FAM186A: variants seen among roughly 807,000 people sequenced by gnomAD.
The protein encoded by FAM186A is protein FAM186A.
In FAM186A, 163 loss-of-function variants were observed where a neutral mutation model predicts 216.8. That is an observed-to-expected ratio of 0.75 (90% CI 0.66 to 0.86). The LOEUF (loss-of-function observed/expected upper bound fraction) is 0.86, where lower values mean the gene tolerates loss of function less well. Ranked by LOEUF, FAM186A falls within the 40% of genes least tolerant of loss-of-function variation. The pLI is 0.00. For synonymous variants in FAM186A, 805 were observed against 1,025.3 expected (o/e 0.79, Z 4.10); for missense variants, 2,184 against 2,746.2 (o/e 0.80, Z 4.58).
chr12:50,363,419 G>A (rs1222389815), intron 1 of FAM186A, 55 bp from the exon 2 acceptor site: 4 of 1,409,576 alleles, frequency 2.8e-6, no homozygotes, highest in Non-Finnish European at 3.9e-6. Flanking sequence ...AGAAGCTTTG[G>A]TCATCTTTCT....
intron 1 of FAM186A, among the ~76,000 whole-genome samples, chr12:50,366,402 C>T (rs536641415): frequency 5.6e-4 from 85 of 152,178 alleles, no homozygotes; most frequent in Non-Finnish European, 7.4e-5. Flanking sequence ...TTGAGGCCAA[C>T]GTATATCGAA....
In FAM186A at chr12:50,354,215, C is replaced by T. The variant is rs1366207269; in HGVS notation, c.2617G>A (p.Gly873Arg). Residue 873 changes from glycine to arginine, a missense_variant, in exon 4 of 8, where the codon GGA becomes AGA. Physicochemically the swap from Gly to Arg is moderately radical, Grantham distance 125 (BLOSUM62 -2). Around this residue, in one of 7 missense-constraint regions of FAM186A, gnomAD observed 1,132 missense variants for 1,263.4 expected, o/e 0.90. Transcript: ENST00000327337. Reference sequence around the variant, plus strand: ...TTCTGGCTCTGTTGTTCTTGCTTTCCCTCCTTCATCTGGAGCCATGCCTTT... The same window carrying T: ...TTCTGGCTCTGTTGTTCTTGCTTTCTCTCCTTCATCTGGAGCCATGCCTTT... ...EKKAWLQMKE[G>R]KQEQQSQKQW... The T allele has an allele frequency of 2.6e-6, 4 of 1,551,582 alleles. No individual in the cohort carries two copies. The highest frequency in any genetic ancestry group is 1.7e-4 in the Middle Eastern group (1 of 5,992).
chr12:50,395,410 G>A (rs1045469912), intron 1 of FAM186A, among the ~76,000 whole-genome samples: 1 of 152,108 alleles, frequency 6.6e-6, no homozygotes, highest in Non-Finnish European at 1.5e-5. Context: ...TACTGCGAGA[G>A]AATAAAATGC....
Position 50,353,915 on chromosome 12 carries a change from T to C in FAM186A, c.2917A>G (p.Arg973Gly). The change falls in exon 4 of 8, where the codon AGA becomes GGA. Residue 973 changes from arginine to glycine, a missense_variant. Physicochemically the swap from Arg to Gly is moderately radical, Grantham distance 125. Transcript: ENST00000327337. The part of the protein sequence containing the change: ...EKGKEKQKPE[R>G]GLEDLERQIK... ...TGCCTTTCGAGGTCCTCTAGCCCTC[T>C]CTCTGGCTTCTGCTTTTCCTTCCCT... is the stretch of plus-strand genomic sequence containing the variant. 1 of 1,553,174 alleles carries C rather than the reference T, an allele frequency of 6.4e-7. No individual in the cohort carries two copies. Among genetic ancestry groups the C allele is most frequent in the Non-Finnish European group, 8.7e-7 (1 of 1,147,854 alleles).
chr12:50,388,131 C>G (rs982247269), intron 1 of FAM186A, among the ~76,000 whole-genome samples: 3 of 152,154 alleles, frequency 2.0e-5, no homozygotes, highest in Non-Finnish European at 4.4e-5. Flanking sequence ...CGGCTTTCCC[C>G]ACCCCTGAAG....
In FAM186A at chr12:50,355,671, A is replaced by T. The variant is rs1439210342; in HGVS notation, c.1161T>A (p.Asp387Glu). The change falls in exon 4 of 8, where the codon GAT becomes GAA. Residue 387 changes from aspartate (D) to glutamate (E), a missense_variant. This residue lies in a region of FAM186A where 1,132 missense variants were observed against 1,263.4 expected (regional missense o/e 0.90). Coordinates refer to ENST00000327337, the MANE Select transcript of FAM186A (RefSeq NM_001145475.3). ...ILDKELENIVDEVQRKETKDS... is the reference protein window; with the variant it reads ...ILDKELENIVEEVQRKETKDS... ...CCTTGGTCTCTTTTCTTTGGACTTCATCTACAATATTTTCAAGTTCCTTGT... is the reference window on the plus strand; with the variant it reads ...CCTTGGTCTCTTTTCTTTGGACTTCTTCTACAATATTTTCAAGTTCCTTGT... The T allele has an allele frequency of 1.3e-6, 2 of 1,550,852 alleles. No individual in the cohort carries two copies. Among genetic ancestry groups the T allele is most frequent in the Admixed American group, 2.0e-5 (1 of 50,818 alleles).
At chr12:50,333,246 C>T (rs1942673566) in intron 5 of FAM186A, among the ~76,000 whole-genome samples, 1 of 151,450 alleles carries the variant, frequency 6.6e-6, no homozygotes, top group African/African-American at 2.4e-5. Flanking sequence ...ACTATAAGAA[C>T]TCAGGCCAGG....
chr12:50,392,990 A>T (rs1943375232), intron 1 of FAM186A, among the ~76,000 whole-genome samples: 1 of 141,590 alleles, frequency 7.1e-6, no homozygotes, highest in African/African-American at 2.7e-5. Context: ...GCGGTGGCGC[A>T]ATCTTGGCTC....
At chr12:50,372,060 C>T (rs943167498) in intron 1 of FAM186A, among the ~76,000 whole-genome samples, 1 of 152,078 alleles carries the variant, frequency 6.6e-6, no homozygotes, top group African/African-American at 2.4e-5. Flanking sequence ...GATCCACCTG[C>T]CTTGGCCTCC....
Position 50,356,089 on chromosome 12 carries a change from G to T in FAM186A, c.743C>A (p.Thr248Lys). 1 of 1,551,554 alleles carries T rather than the reference G, an allele frequency of 6.4e-7. No homozygotes were observed. The highest frequency in any genetic ancestry group is 1.2e-5 in the South Asian group (1 of 84,050). Reference sequence around the variant, plus strand: ...ATTGTTTTCCAATGTACTGAACATTGTGGTGCCTATGAGTTCCTGTAGCAT... The same window carrying T: ...ATTGTTTTCCAATGTACTGAACATTTTGGTGCCTATGAGTTCCTGTAGCAT... Reference protein sequence around the residue: ...QGMLQELIGTTMFSTLENNAI... With the variant: ...QGMLQELIGTKMFSTLENNAI... The change falls in exon 4 of 8, where the codon ACA becomes AAA. Residue 248 changes from threonine (T) to lysine (K), a missense_variant. Around this residue, in one of 7 missense-constraint regions of FAM186A, gnomAD observed 1,132 missense variants for 1,263.4 expected, o/e 0.90. Transcript: ENST00000327337.
chr12:50,377,179 A>G (rs1592628856), intron 1 of FAM186A, among the ~76,000 whole-genome samples: 1 of 152,350 alleles, frequency 6.6e-6, no homozygotes, highest in African/African-American at 2.4e-5. Context: ...TCATCAGGAC[A>G]GTATGGTATT....
rs775095106 is a variant in FAM186A, at chr12:50,327,334, T to G, written c.*49A>C. On this transcript the variant is annotated 3_prime_UTR_variant, in exon 8 of 8. Transcript: ENST00000327337. ...AAAGAGAACAAAATAGGCATTTTAC[T>G]GAAAGATACTGAAATGTACTTTCAA... 59 of 1,463,658 alleles carry G rather than the reference T, an allele frequency of 4.0e-5. No individual in the cohort carries two copies. Among genetic ancestry groups the G allele is most frequent in the Non-Finnish European group, 5.1e-5 (54 of 1,068,340 alleles). 90.7% of individuals were successfully genotyped at this position (1,463,658 alleles called of 1,614,324 possible). A position where few individuals can be genotyped will look rare whatever the true frequency, so the allele number is the denominator to read the frequency against.
intron 1 of FAM186A, among the ~76,000 whole-genome samples, chr12:50,367,305 T>A (rs1393778357): frequency 6.6e-6 from 1 of 151,432 alleles, no homozygotes; most frequent in Non-Finnish European, 1.5e-5. Flanking sequence ...GATCATGAGG[T>A]CAGGAGATCG....
At chr12:50,374,235 G>A (rs1292629858) in intron 1 of FAM186A, among the ~76,000 whole-genome samples, 1 of 151,308 alleles carries the variant, frequency 6.6e-6, no homozygotes, top group African/African-American at 2.4e-5. Flanking sequence ...GCACCAGCAT[G>A]GCACATGTAT....
intron 1 of FAM186A, among the ~76,000 whole-genome samples, chr12:50,387,147 T>C (rs1271674945): frequency 1.3e-5 from 2 of 152,234 alleles, no homozygotes; most frequent in Non-Finnish European, 2.9e-5. Context: ...TCAGATCCCA[T>C]AGGTCGAAGC....
chr12:50,363,310 G>T lies in FAM186A; in HGVS notation c.247C>A (p.Arg83Ser), dbSNP rs557429275. 27 of 1,551,238 alleles carry T rather than the reference G, an allele frequency of 1.7e-5. No homozygotes were observed. Among genetic ancestry groups the T allele is most frequent in the Non-Finnish European group, 2.2e-5 (25 of 1,146,934 alleles). ...GACGAGTTAAAAACAAGAGTATAGC[G>T]AGTCATTATCCGATGCACATTGTTC... Reference protein sequence around the residue: ...IMNNVHRIMTRYTLVFNSSSE... With the variant: ...IMNNVHRIMTSYTLVFNSSSE... The change falls in exon 2 of 8, where the codon CGC becomes AGC. Residue 83 changes from arginine to serine, a missense_variant. Physicochemically the swap from Arg to Ser is moderately radical, Grantham distance 110. Transcript: ENST00000327337.
rs1942912729 is a variant in FAM186A at position 50,352,760 on chromosome 12, C to T, written c.4072G>A (p.Glu1358Lys). Residue 1358 changes from glutamate (E) to lysine (K), a missense_variant, in exon 4 of 8, where the codon GAA (glutamate) becomes AAA (lysine). By Grantham distance (56) the Glu-to-Lys change is moderately conservative (BLOSUM62 1). Transcript: ENST00000327337. ...TGAGGGGTGAGAGGGATCCCCAGTT[C>T]CTGAGCCTGCTGAGTGGTGAGAGGC... Reference protein sequence around the residue: ...GMPLTTQQAQELGIPLTPQHA... With the variant: ...GMPLTTQQAQKLGIPLTPQHA... 9 of 1,537,504 alleles carry T rather than the reference C, an allele frequency of 5.9e-6. No homozygotes were observed. Among genetic ancestry groups the T allele is most frequent in the Non-Finnish European group, 7.0e-6 (8 of 1,141,928 alleles).
At chr12:50,367,134 G>C (rs1049236814) in intron 1 of FAM186A, among the ~76,000 whole-genome samples, 6 of 152,104 alleles carry the variant, frequency 3.9e-5, no homozygotes, top group Non-Finnish European at 5.9e-5. Context: ...AAGACTGAAA[G>C]TTTTTCCTCC....
At position 50,354,020 on chromosome 12, in the gene FAM186A, G is replaced by A. The variant is rs1325085520; in HGVS notation, c.2812C>T (p.Leu938Phe). Residue 938 changes from leucine to phenylalanine, a missense_variant, in exon 4 of 8, where the codon CTC (leucine) becomes TTC (phenylalanine). Coordinates refer to ENST00000327337, the MANE Select transcript of FAM186A (RefSeq NM_001145475.3). ...GTQKMKTQGL[L>F]LEKENGQMRQ... ...ATCTGTCCATTCTCCTTTTCCAAGA[G>A]CAACCCTTGTGTTTTCATTTTTTGG... The A allele has an allele frequency of 1.5e-5, 23 of 1,551,700 alleles. No homozygotes were observed. Among genetic ancestry groups the A allele is most frequent in the Non-Finnish European group, 1.6e-5 (18 of 1,147,018 alleles).
Sources: gnomAD v4.1 joint callset for allele counts (sites outside exome capture counted in the v4.1 genomes callset) on GRCh38, gnomAD v4.1.1 for gene constraint, gnomAD v4.1.1 regional missense constraint, MANE v1.5 for transcripts, NCBI Gene and HGNC (gene_info 2026-07-23, HGNC 2026-07-21) for gene names.